GLI2: variants seen among roughly 807,000 people sequenced by gnomAD.
The protein encoded by GLI2 is transcription activator GLI2.
GLI2 carries 22 observed loss-of-function variants against 78.9 expected under a neutral mutation model. The observed-to-expected ratio is 0.28, with a 90% confidence interval of 0.20 to 0.40. The LOEUF (loss-of-function observed/expected upper bound fraction) is 0.40, where lower values mean the gene tolerates loss of function less well. Ranked by LOEUF, GLI2 falls within the 10% of genes least tolerant of loss-of-function variation. The pLI is 1.00. For missense variants in GLI2, 2,097 were observed against 2,213.2 expected (o/e 0.95, Z 1.05); for synonymous variants, 974 against 963.7 (o/e 1.01, Z -0.20).
chr2:120,919,589 G>A (rs1181120941), intron 2 of GLI2, among the ~76,000 whole-genome samples: 1 of 152,354 alleles, frequency 6.6e-6, no homozygotes, highest in East Asian at 1.9e-4. Context: ...CACCCGGTGG[G>A]TGCAACATGG....
At chr2:120,787,627 A>T (rs1684034389) in intron 1 of GLI2, among the ~76,000 whole-genome samples, 2 of 151,948 alleles carry the variant, frequency 1.3e-5, no homozygotes, top group African/African-American at 2.4e-5. Context: ...TTTCCTCCAC[A>T]CTCAGGAATC....
chr2:120,923,658 C>CAACACACA (rs1196143697), intron 2 of GLI2, among the ~76,000 whole-genome samples: 1 of 152,104 alleles, frequency 6.6e-6, no homozygotes, highest in East Asian at 1.9e-4. Flanking sequence ...CATACACATA[C>CAACACACA]AACACACATG....
intron 2 of GLI2, among the ~76,000 whole-genome samples, chr2:120,817,250 T>G (rs1197090000): frequency 6.6e-6 from 1 of 152,218 alleles, no homozygotes; most frequent in Admixed American, 6.5e-5. Flanking sequence ...AAGTGCGTAA[T>G]GTCAGCTTGG....
At position 120,990,399 on chromosome 2, in the gene GLI2, G is replaced by T; in HGVS notation, c.4434G>T (p.Gln1478His). The T allele has an allele frequency of 6.2e-7, 1 of 1,614,132 alleles. No homozygotes were observed. The highest frequency in any genetic ancestry group is 1.3e-5 in the African/African-American group (1 of 75,052). ...CCTTGCCCTCACCAGGGGTCAACCA[G>T]GTGTCCAGCACTGTGGACTCCCAGC... ...PQPLPSPGVN[Q>H]VSSTVDSQLL... Residue 1478 changes from glutamine to histidine, a missense_variant, in exon 14 of 14, where the codon CAG becomes CAT. By Grantham distance (24) the Gln-to-His change is conservative. Transcript: ENST00000361492.
In GLI2 at chr2:120,764,248, C is replaced by T. The variant is rs573544968; in HGVS notation, c.-31+27963C>T. ...GCGCAGCCGGAGGCTGCAGGGGACA[C>T]CTTCCACCGTGCTGGGGAGGGAGGT... is the stretch of plus-strand genomic sequence containing the variant. On this transcript the variant is annotated intron_variant, in intron 1 of 13. Transcript: ENST00000361492. 2.5e-4 allele frequency among the ~76,000 whole-genome samples: 38 copies of T among 152,316 alleles called. No individual in the cohort carries two copies. In the East Asian group the frequency reaches 6.8e-3, roughly 27 times the overall value.
At chr2:120,920,700 C>G (rs1281337642) in intron 2 of GLI2, among the ~76,000 whole-genome samples, 1 of 108,178 alleles carries the variant, frequency 9.2e-6, no homozygotes, top group African/African-American at 3.6e-5. Flanking sequence ...TGTGTAGGAT[C>G]AAAAACAAAT....
At chr2:120,814,474 T>C (rs1417376049) in intron 2 of GLI2, among the ~76,000 whole-genome samples, 1 of 152,090 alleles carries the variant, frequency 6.6e-6, no homozygotes, top group African/African-American at 2.4e-5. Context: ...TGGGAATGAG[T>C]TGATCAGATT....
intron 5 of GLI2, among the ~76,000 whole-genome samples, chr2:120,956,661 C>T (rs1050096006): frequency 7.2e-5 from 11 of 152,104 alleles, no homozygotes; most frequent in South Asian, 2.1e-4. Flanking sequence ...GCCAGCCTCC[C>T]GGAGCCCTGC....
intron 3 of GLI2, among the ~76,000 whole-genome samples, chr2:120,933,530 C>A (rs1573626648): frequency 6.6e-6 from 1 of 152,128 alleles, no homozygotes; most frequent in Non-Finnish European, 1.5e-5. Flanking sequence ...GGCCACACAC[C>A]CCCAGCAGTC....
intron 2 of GLI2, among the ~76,000 whole-genome samples, chr2:120,801,163 G>A (rs1444974314): frequency 6.6e-6 from 1 of 151,974 alleles, no homozygotes. Context: ...TTTTGAGACA[G>A]AGTCTCACTC....
chr2:120,820,716 GGAAA>G (rs1427154543), intron 2 of GLI2, among the ~76,000 whole-genome samples: 2 of 152,238 alleles, frequency 1.3e-5, no homozygotes, highest in Admixed American at 1.3e-4. Context: ...CAGTGGAGAA[GGAAA>G]GAGTGAGCGC....
rs557975190 is a variant in GLI2 at position 120,878,944 on chromosome 2, C to G, written c.149-48417C>G. Reference sequence around the variant, plus strand: ...CTCCATCTTAAAAAAAAAAAAAAATCTTTCTTCTGGCTGCAGTCCTCCAGC... The same window carrying G: ...CTCCATCTTAAAAAAAAAAAAAAATGTTTCTTCTGGCTGCAGTCCTCCAGC... On this transcript the variant is annotated intron_variant, in intron 2 of 13. Coordinates refer to ENST00000361492, the MANE Select transcript of GLI2 (RefSeq NM_001374353.1). 2.4e-3 allele frequency among the ~76,000 whole-genome samples: 369 copies of G among 151,540 alleles called. 2 individuals are homozygous for G. Among genetic ancestry groups the G allele is most frequent in the Non-Finnish European group, 4.2e-3 (282 of 67,778 alleles).
intron 2 of GLI2, among the ~76,000 whole-genome samples, chr2:120,837,908 A>G (rs1686692468): frequency 6.6e-6 from 1 of 152,184 alleles, no homozygotes; most frequent in African/African-American, 2.4e-5. Flanking sequence ...CTTTCTGTTA[A>G]GCATGGCAGG....
chr2:120,889,458 T>C (rs1414662340), intron 2 of GLI2, among the ~76,000 whole-genome samples: 1 of 152,186 alleles, frequency 6.6e-6, no homozygotes, highest in Admixed American at 6.5e-5. Context: ...ACCATAAGCA[T>C]GATTCATAAA....
chr2:120,900,001 G>C (rs1220709484), intron 2 of GLI2, among the ~76,000 whole-genome samples: 2 of 152,192 alleles, frequency 1.3e-5, no homozygotes, highest in Non-Finnish European at 2.9e-5. Flanking sequence ...GAGGATTTGC[G>C]TCTCTAGCAG....
chr2:120,987,414 C>T (rs898756950), intron 13 of GLI2, among the ~76,000 whole-genome samples: 8 of 152,142 alleles, frequency 5.3e-5, no homozygotes, highest in African/African-American at 1.7e-4. Flanking sequence ...CCAGCAGCCC[C>T]GCATGCAATG....
chr2:120,971,945 A>G lies in GLI2; in HGVS notation c.1064A>G (p.Lys355Arg). The part of the protein sequence containing the change: ...SNCLSDTNQN[K>R]QSSESAVSST... ...GTCCTCTGCACCCTTCCTCAGAACAAGCAGAGCAGTGAGTCGGCCGTCAGC... is the reference window on the plus strand; with the variant it reads ...GTCCTCTGCACCCTTCCTCAGAACAGGCAGAGCAGTGAGTCGGCCGTCAGC... The change falls in exon 8 of 14, where the codon AAG becomes AGG. Residue 355 changes from lysine (K) to arginine (R), a missense_variant. Lys to Arg is a conservative substitution (Grantham distance 26). Transcript: ENST00000361492. 1 of 1,613,744 alleles carries G rather than the reference A, an allele frequency of 6.2e-7. No individual in the cohort carries two copies. Among genetic ancestry groups the G allele is most frequent in the Non-Finnish European group, 8.5e-7 (1 of 1,179,880 alleles).
intron 1 of GLI2, among the ~76,000 whole-genome samples, chr2:120,740,321 C>G (rs535317844): frequency 6.6e-6 from 1 of 151,914 alleles, no homozygotes; most frequent in Non-Finnish European, 1.5e-5. Context: ...AAAACATACA[C>G]ATGGGGGAAA....
chr2:120,765,978 A>G (rs1053584858), intron 1 of GLI2, among the ~76,000 whole-genome samples: 1 of 152,232 alleles, frequency 6.6e-6, no homozygotes, highest in Non-Finnish European at 1.5e-5. Flanking sequence ...CATTTGTCAC[A>G]GTGATAACGC....
Sources: allele counts gnomAD v4.1 joint callset (sites outside exome capture counted in the v4.1 genomes callset), GRCh38; gene constraint gnomAD v4.1.1; transcripts MANE v1.5; gene names NCBI Gene and HGNC (gene_info 2026-07-23, HGNC 2026-07-21).